MGAT4C: variants seen among roughly 807,000 people sequenced by gnomAD.
The protein encoded by MGAT4C is MGAT4 family member C.
In MGAT4C, 19 loss-of-function variants were observed where a neutral mutation model predicts 40.1. That is an observed-to-expected ratio of 0.47 (90% CI 0.33 to 0.70). The LOEUF is 0.70. MGAT4C is among the 30% of genes least tolerant of loss of function. The pLI, the probability that MGAT4C is intolerant of heterozygous loss-of-function variation, is 0.02. For missense variants in MGAT4C, 491 were observed against 563.2 expected, an observed-to-expected ratio of 0.87 and a Z score of 1.30; for synonymous variants, 181 against 187.1, an observed-to-expected ratio of 0.97 and a Z score of 0.27.
chr12:86,302,276 A>T (rs940270065), intron 4 of MGAT4C, among the ~76,000 whole-genome samples: 4 of 150,864 alleles, frequency 2.7e-5, no homozygotes, highest in South Asian at 2.1e-4. Context: ...TGAAATTTTT[A>T]AAAAATCAGC....
rs184257288 is a variant in MGAT4C, at chr12:86,010,561, T to G, written c.-6-21009A>C. On this transcript the variant is annotated intron_variant, in intron 2 of 4. Transcript: ENST00000611864. ...TGCGTGGTGGTGCACACCCGTAATC[T>G]CAGTTACTCAGGAGGCTGAGACAGG... Among the ~76,000 whole-genome samples, 13 of 152,154 alleles carry G rather than the reference T, an allele frequency of 8.5e-5. No individual in the cohort carries two copies. In the East Asian group the frequency reaches 2.5e-3, roughly 29 times the overall value.
intron 2 of MGAT4C, among the ~76,000 whole-genome samples, chr12:86,006,227 T>C (rs1887859004): frequency 6.6e-6 from 1 of 152,140 alleles, no homozygotes. Flanking sequence ...AGAAGCTTTG[T>C]CAGTTTGCCG....
chr12:86,103,950 G>T (rs557901179), intron 1 of MGAT4C, among the ~76,000 whole-genome samples: 4 of 152,190 alleles, frequency 2.6e-5, no homozygotes, highest in African/African-American at 9.6e-5. Flanking sequence ...TTTTTCTTCA[G>T]TGTGAATTCT....
intron 1 of MGAT4C, among the ~76,000 whole-genome samples, chr12:86,236,936 T>C (rs999005111): frequency 4.0e-5 from 6 of 151,628 alleles, no homozygotes; most frequent in South Asian, 2.1e-4. Flanking sequence ...AGGCTTTATC[T>C]TGAACAAGAA....
chr12:86,315,054 A>C (rs1210912518), intron 4 of MGAT4C, among the ~76,000 whole-genome samples: 1 of 152,122 alleles, frequency 6.6e-6, no homozygotes, highest in African/African-American at 2.4e-5. Flanking sequence ...AAAACCTTAA[A>C]AAAAACAAAT....
intron 2 of MGAT4C, among the ~76,000 whole-genome samples, chr12:86,493,646 G>A (rs1431748761): frequency 2.0e-5 from 3 of 150,770 alleles, no homozygotes; most frequent in East Asian, 2.0e-4. Context: ...GGGGACTGTC[G>A]TGGGGTGGGG....
intron 1 of MGAT4C, among the ~76,000 whole-genome samples, chr12:86,805,442 C>T (rs1190208409): frequency 6.6e-6 from 1 of 151,864 alleles, no homozygotes; most frequent in Non-Finnish European, 1.5e-5. Flanking sequence ...TGTTTAGCTC[C>T]CATTTATGAG....
intron 3 of MGAT4C, among the ~76,000 whole-genome samples, chr12:86,391,104 G>C (rs1293926653): frequency 1.3e-5 from 2 of 152,060 alleles, no homozygotes; most frequent in Admixed American, 1.3e-4. Flanking sequence ...AAAATCTCTT[G>C]CAATTTTGCA....
At chr12:86,415,153 C>T (rs1592815977) in intron 3 of MGAT4C, among the ~76,000 whole-genome samples, 2 of 152,008 alleles carry the variant, frequency 1.3e-5, no homozygotes, top group South Asian at 4.2e-4. Context: ...CTCTCCTGGA[C>T]TTGTTTATTC....
At chr12:86,733,357 C>T (rs1323079131) in intron 1 of MGAT4C, among the ~76,000 whole-genome samples, 2 of 151,974 alleles carry the variant, frequency 1.3e-5, no homozygotes, top group East Asian at 3.9e-4. Flanking sequence ...ATTTTTGTTG[C>T]TTAAGAAGGG....
chr12:86,214,406 C>A (rs1354539752), intron 1 of MGAT4C, among the ~76,000 whole-genome samples: 1 of 152,104 alleles, frequency 6.6e-6, no homozygotes, highest in African/African-American at 2.4e-5. Flanking sequence ...CTATAAATAC[C>A]TCTTGAAGGT....
At chr12:86,484,602 G>A (rs1314892005) in intron 2 of MGAT4C, among the ~76,000 whole-genome samples, 1 of 152,248 alleles carries the variant, frequency 6.6e-6, no homozygotes, top group African/African-American at 2.4e-5. Flanking sequence ...GCAGCATGCA[G>A]CATGGGAGGA....
chr12:86,382,675 C>T (rs375735571), intron 3 of MGAT4C, among the ~76,000 whole-genome samples: 19 of 152,294 alleles, frequency 1.2e-4, no homozygotes, highest in South Asian at 2.1e-4. Context: ...CCAGGGTCCC[C>T]GTGCTGTGTG....
At chr12:86,735,607 A>G (rs529692715) in intron 1 of MGAT4C, among the ~76,000 whole-genome samples, 1 of 152,000 alleles carries the variant, frequency 6.6e-6, no homozygotes, top group Non-Finnish European at 1.5e-5. Flanking sequence ...CATTTCTTTG[A>G]ATGGGCTGCC....
intron 1 of MGAT4C, among the ~76,000 whole-genome samples, chr12:86,189,513 A>T (rs905272964): frequency 6.6e-6 from 1 of 151,954 alleles, no homozygotes; most frequent in Admixed American, 6.6e-5. Context: ...ACTGAAGAAC[A>T]TTGTATTTTT....
chr12:85,999,349 C>A (rs940243476), intron 2 of MGAT4C, among the ~76,000 whole-genome samples: 1 of 151,980 alleles, frequency 6.6e-6, no homozygotes, highest in Admixed American at 6.6e-5. Context: ...CTAAAACAGA[C>A]CTGATTTGGG....
intron 3 of MGAT4C, among the ~76,000 whole-genome samples, chr12:86,353,640 C>T (rs1228914444): frequency 1.3e-5 from 2 of 152,254 alleles, no homozygotes; most frequent in Non-Finnish European, 2.9e-5. Context: ...GCTGCATTTC[C>T]ATGGTGGAGA....
At chr12:86,791,432 T>G (rs929187405) in intron 1 of MGAT4C, among the ~76,000 whole-genome samples, 14 of 141,146 alleles carry the variant, frequency 9.9e-5, no homozygotes, top group Non-Finnish European at 2.2e-4. Context: ...CTTTAAACTG[T>G]TTTTTTTTTT....
intron 2 of MGAT4C, among the ~76,000 whole-genome samples, chr12:86,704,250 ACTCCTAATTT>A (rs1400799301): frequency 3.9e-5 from 6 of 152,098 alleles, no homozygotes; most frequent in African/African-American, 1.4e-4. Flanking sequence ...GAAAAAAGTT[ACTCCTAATTT>A]AAGCTATGGG....
Sources: gnomAD v4.1 joint callset for allele counts (sites outside exome capture counted in the v4.1 genomes callset) on GRCh38, gnomAD v4.1.1 for gene constraint, MANE v1.5 for transcripts, NCBI Gene and HGNC (gene_info 2026-07-23, HGNC 2026-07-21) for gene names.